EYS: variants seen among roughly 807,000 people sequenced by gnomAD.
EYS encodes the protein protein eyes shut homolog.
In EYS, 250 loss-of-function variants were observed where a neutral mutation model predicts 282.1. The ratio of observed to expected loss-of-function variants is 0.89; its 90% confidence interval spans 0.80 to 0.98. The LOEUF (loss-of-function observed/expected upper bound fraction) is 0.98. Among genes scored for constraint, EYS ranks in the 50% least tolerant of loss-of-function variants. The probability of loss-of-function intolerance (pLI) is 0.00; values close to 1 mark genes in which losing one functional copy is unlikely to be tolerated. For missense variants in EYS, 4,016 were observed against 3,709.0 expected, an observed-to-expected ratio of 1.08 and a Z score of -2.15; for synonymous variants, 1,355 against 1,282.9, an observed-to-expected ratio of 1.06 and a Z score of -1.20.
In EYS at chr6:64,684,815, TAA is replaced by T. The variant is rs528923138; in HGVS notation, c.3444-58572_3444-58571del. Among the ~76,000 whole-genome samples, 402 of 151,868 alleles carry T rather than the reference TAA, an allele frequency of 2.6e-3. 1 individual carries two copies. The highest frequency in any genetic ancestry group is 4.4e-3 in the Non-Finnish European group (302 of 67,874). The stretch of plus-strand genomic sequence containing the variant: ...ATAAAGATATAGTCAATAGAAAAAT[TAA>T]AATAAGATATTAAAAACTTTCAGTT... On this transcript the variant is annotated intron_variant, in intron 22 of 42. Coordinates refer to ENST00000503581, the MANE Select transcript of EYS (RefSeq NM_001142800.2).
In EYS at chr6:65,494,926, C is replaced by T; in HGVS notation, c.485G>A (p.Gly162Glu). 6.2e-7 allele frequency: 1 copy of T among 1,614,098 alleles called. No individual in the cohort carries two copies. The highest frequency in any genetic ancestry group is 8.5e-7 in the Non-Finnish European group (1 of 1,180,012). ...MASGPSPCPL[G>E]LRLNVTVKQQ... ...TTTCACTGTCACATTTAGTCGAAGT[C>T]CCAGTGGACAAGGTGATGGACCACT... is the stretch of plus-strand genomic sequence containing the variant. The change falls in exon 4 of 43, where the codon GGA becomes GAA. Residue 162 changes from glycine to glutamate, a missense_variant. Coordinates refer to ENST00000503581, the MANE Select transcript of EYS (RefSeq NM_001142800.2).
At chr6:64,883,147 C>T (rs142324977) in intron 19 of EYS, among the ~76,000 whole-genome samples, 65 of 151,438 alleles carry the variant, frequency 4.3e-4, no homozygotes, top group African/African-American at 1.5e-3. Flanking sequence ...TATACATGTA[C>T]TCAAGGCAGA....
chr6:64,089,283 TA>T (rs1441129798), intron 31 of EYS, among the ~76,000 whole-genome samples: 2 of 151,130 alleles, frequency 1.3e-5, no homozygotes, highest in Non-Finnish European at 3.0e-5. Flanking sequence ...AAGCATTCAT[TA>T]AAAAAATAAG....
intron 2 of EYS, among the ~76,000 whole-genome samples, chr6:65,510,748 C>T (rs992609240): frequency 6.6e-6 from 1 of 152,086 alleles, no homozygotes; most frequent in Non-Finnish European, 1.5e-5. Context: ...TGTCAGTTTT[C>T]ATTCATTTAG....
chr6:65,055,095 C>T (rs1773375523), intron 13 of EYS, among the ~76,000 whole-genome samples: 1 of 152,026 alleles, frequency 6.6e-6, no homozygotes, highest in Non-Finnish European at 1.5e-5. Flanking sequence ...AATCCTCCTG[C>T]TTCAGCCTCC....
At chr6:65,014,879 T>C (rs1017568663) in intron 13 of EYS, among the ~76,000 whole-genome samples, 1 of 152,160 alleles carries the variant, frequency 6.6e-6, no homozygotes, top group Non-Finnish European at 1.5e-5. Flanking sequence ...TTTGTTGTGG[T>C]AAGCTTATCC....
intron 2 of EYS, among the ~76,000 whole-genome samples, chr6:65,635,536 AC>A (rs1767055911): frequency 6.6e-6 from 1 of 151,808 alleles, no homozygotes; most frequent in Admixed American, 6.6e-5. Context: ...CTTGTATCAA[AC>A]TCCTGGATTC....
At chr6:65,140,063 T>C (rs1371549492) in intron 12 of EYS, among the ~76,000 whole-genome samples, 2 of 152,034 alleles carry the variant, frequency 1.3e-5, no homozygotes, top group Non-Finnish European at 2.9e-5. Context: ...TACCAAAATG[T>C]GACAGATTTT....
chr6:65,700,953 T>C (rs1769653213), intron 1 of EYS, among the ~76,000 whole-genome samples: 1 of 152,212 alleles, frequency 6.6e-6, no homozygotes, highest in African/African-American at 2.4e-5. Flanking sequence ...ATATCTGGTT[T>C]ATTGTTTCAT....
At chr6:65,620,390 C>A (rs866555647) in intron 2 of EYS, among the ~76,000 whole-genome samples, 4 of 150,978 alleles carry the variant, frequency 2.6e-5, no homozygotes, top group Admixed American at 2.0e-4. Flanking sequence ...TGTGTGGGAT[C>A]GGTGGTGATA....
chr6:64,699,547 T>C (rs1349077475), intron 22 of EYS, among the ~76,000 whole-genome samples: 2 of 152,080 alleles, frequency 1.3e-5, no homozygotes, highest in African/African-American at 4.8e-5. Flanking sequence ...CAAAGGATCA[T>C]CAGAGACTAC....
At chr6:65,557,248 G>T (rs576811493) in intron 2 of EYS, among the ~76,000 whole-genome samples, 2 of 152,090 alleles carry the variant, frequency 1.3e-5, no homozygotes, top group Non-Finnish European at 2.9e-5. Flanking sequence ...CTCATCTCAC[G>T]CTGCCAGCCC....
chr6:64,523,976 C>A (rs1777840821), intron 26 of EYS, among the ~76,000 whole-genome samples: 1 of 151,644 alleles, frequency 6.6e-6, no homozygotes, highest in Admixed American at 6.6e-5. Flanking sequence ...GTATTTATAA[C>A]TTCTGATTTT....
At chr6:63,943,356 G>T (rs1225961558) in intron 35 of EYS, among the ~76,000 whole-genome samples, 2 of 152,098 alleles carry the variant, frequency 1.3e-5, no homozygotes, top group African/African-American at 4.8e-5. Context: ...TCACAGAGTT[G>T]GTTGGTTTGA....
chr6:64,036,580 C>A, intron 33 of EYS, among the ~76,000 whole-genome samples: 1 of 152,042 alleles, frequency 6.6e-6, no homozygotes, highest in East Asian at 1.9e-4. Context: ...ACAGACATCA[C>A]GCAGGTGAAC....
At chr6:64,762,606 C>T (rs868255256) in intron 22 of EYS, among the ~76,000 whole-genome samples, 1 of 152,006 alleles carries the variant, frequency 6.6e-6, no homozygotes, top group Non-Finnish European at 1.5e-5. Flanking sequence ...CAGAGAAGAG[C>T]GCACATATGC....
At chr6:65,394,327 T>C (rs7773583) in intron 7 of EYS, among the ~76,000 whole-genome samples, 151,921 of 152,154 alleles carry the variant, frequency 1, 75,844 homozygotes, top group Non-Finnish European at 1. Context: ...AAACACTTTC[T>C]ACTCTACAAA....
chr6:64,969,848 A>ACTCTTG (rs1770227272), intron 14 of EYS, among the ~76,000 whole-genome samples: 1 of 152,200 alleles, frequency 6.6e-6, no homozygotes, highest in East Asian at 1.9e-4. Flanking sequence ...TCAAAGGCCT[A>ACTCTTG]GTAGAATTTC....
chr6:65,343,202 A>G (rs1403968502), intron 10 of EYS, among the ~76,000 whole-genome samples: 2 of 151,274 alleles, frequency 1.3e-5, no homozygotes, highest in African/African-American at 2.4e-5. Context: ...TGAAGGAAAT[A>G]GTGACTTGTA....
Sources: allele counts gnomAD v4.1 joint callset (sites outside exome capture counted in the v4.1 genomes callset), GRCh38; gene constraint gnomAD v4.1.1; transcripts MANE v1.5; gene names NCBI Gene and HGNC (gene_info 2026-07-23, HGNC 2026-07-21).